SNX13: variants seen among roughly 807,000 people sequenced by gnomAD.
SNX13 encodes sorting nexin-13.
SNX13 carries 45 observed loss-of-function variants against 133.6 expected under a neutral mutation model. The ratio of observed to expected loss-of-function variants is 0.34; its 90% confidence interval spans 0.27 to 0.43. SNX13 has a LOEUF of 0.43. Ranked by LOEUF, SNX13 falls within the 20% of genes least tolerant of loss-of-function variation. The pLI, the probability that SNX13 is intolerant of heterozygous loss-of-function variation, is 1.00. For synonymous variants in SNX13, 414 were observed against 373.9 expected, an observed-to-expected ratio of 1.11 and a Z score of -1.24; for missense variants, 1,032 against 1,145.1, an observed-to-expected ratio of 0.90 and a Z score of 1.43.
In SNX13 at chr7:17,892,847, C is replaced by T. The variant is rs186758748; in HGVS notation, c.228+485G>A. Among the ~76,000 whole-genome samples, 420 of 152,146 alleles carry T rather than the reference C, an allele frequency of 2.8e-3. 11 individuals carry two copies. The highest frequency in any genetic ancestry group is 0.025 in the Admixed American group (384 of 15,292). On this transcript the variant is annotated intron_variant, in intron 3 of 25. Transcript: ENST00000428135. ...CCAATTTTATTTATAGAGTATGATA[C>T]TGAAAAAATAATAGCACCATTCAAG...
At chr7:17,927,072 T>C (rs546688851) in intron 1 of SNX13, among the ~76,000 whole-genome samples, 2 of 152,018 alleles carry the variant, frequency 1.3e-5, no homozygotes, top group Non-Finnish European at 2.9e-5. Flanking sequence ...AGATAAAAAC[T>C]TATGTCAAAT....
At chr7:17,887,933 T>C (rs1338893491) in intron 5 of SNX13, among the ~76,000 whole-genome samples, 1 of 151,696 alleles carries the variant, frequency 6.6e-6, no homozygotes, top group South Asian at 2.1e-4. Flanking sequence ...AGTTAAAGAA[T>C]AGAGGTGATA....
At chr7:17,928,379 A>G (rs1801007207) in intron 1 of SNX13, among the ~76,000 whole-genome samples, 1 of 152,166 alleles carries the variant, frequency 6.6e-6, no homozygotes, top group Non-Finnish European at 1.5e-5. Flanking sequence ...TTTGCTAACC[A>G]CTTTAACTAT....
intron 1 of SNX13, among the ~76,000 whole-genome samples, chr7:17,913,870 T>C (rs1444916421): frequency 6.7e-6 from 1 of 149,692 alleles, no homozygotes; most frequent in Non-Finnish European, 1.5e-5. Context: ...ATCCAAAGGA[T>C]CACACTAGCT....
intron 20 of SNX13, among the ~76,000 whole-genome samples, chr7:17,805,236 T>TGTGTGTGC (rs1209840441): frequency 8.8e-6 from 1 of 113,286 alleles, no homozygotes; most frequent in Admixed American, 9.0e-5. Flanking sequence ...TGTGTGTGTG[T>TGTGTGTGC]GTGTGTGTGT....
intron 19 of SNX13, among the ~76,000 whole-genome samples, 153 bp from the exon 20 acceptor site, chr7:17,815,097 A>T (rs901619984): frequency 6.6e-6 from 1 of 152,236 alleles, no homozygotes; most frequent in Admixed American, 6.5e-5. Flanking sequence ...CAGTTAGGAT[A>T]AAGTCACCAA....
Position 17,872,311 on chromosome 7 carries a change from T to C in SNX13, c.753+1217A>G, listed in dbSNP as rs528350277. 5.9e-5 allele frequency among the ~76,000 whole-genome samples: 9 copies of C among 151,782 alleles called. No individual in the cohort carries two copies. In the East Asian group the frequency reaches 1.2e-3, roughly 20 times the overall value. Reference sequence around the variant, plus strand: ...CAGTGACATGAAAGAAAGGAGAAAATAGAGTTTCAATAAGGAAAAGATGGC... The same window carrying C: ...CAGTGACATGAAAGAAAGGAGAAAACAGAGTTTCAATAAGGAAAAGATGGC... On this transcript the variant is annotated intron_variant, in intron 8 of 25. Coordinates refer to ENST00000428135, the MANE Select transcript of SNX13 (RefSeq NM_015132.5).
Position 17,897,225 on chromosome 7 carries a change from A to C in SNX13, c.125+109T>G, listed in dbSNP as rs140002986. On this transcript the variant is annotated intron_variant, in intron 2 of 25. Transcript: ENST00000428135. ...TTTTTAACTTTAGTAAAAGCAATTT[A>C]TTAAAAATGGCATTCACAAATAAAT... 1.8e-3 allele frequency: 919 copies of C among 514,658 alleles called. 8 individuals are homozygous for C. Among genetic ancestry groups the C allele is most frequent in the African/African-American group, 0.017 (847 of 50,564 alleles). The allele number at this position is 514,658 out of a possible 1,614,324, so 31.9% of individuals were successfully genotyped here.
At chr7:17,798,907 G>T (rs1300887855) in intron 23 of SNX13, 102 bp downstream of exon 23, 1 of 1,390,946 alleles carries the variant, frequency 7.2e-7, no homozygotes, top group Non-Finnish European at 9.8e-7. Flanking sequence ...AAAAGGCCCA[G>T]AGAAAAAAAT....
intron 1 of SNX13, among the ~76,000 whole-genome samples, chr7:17,916,284 TAGA>T (rs536167276): frequency 5.7e-4 from 86 of 152,034 alleles, no homozygotes; most frequent in African/African-American, 1.9e-3. Context: ...ACTCATAAAC[TAGA>T]AGAAGAAAGC....
chr7:17,832,556 T>A (rs182965332), intron 15 of SNX13: 1 of 887,944 alleles, frequency 1.1e-6, no homozygotes, highest in East Asian at 1.2e-4. Flanking sequence ...ATAGTCATTT[T>A]AGGATGGTTA....
chr7:17,886,523 G>A (rs745869669), intron 5 of SNX13, among the ~76,000 whole-genome samples: 4 of 151,874 alleles, frequency 2.6e-5, no homozygotes, highest in East Asian at 3.9e-4. Context: ...AGCCGAGATC[G>A]TGCCACTGCT....
intron 1 of SNX13, among the ~76,000 whole-genome samples, chr7:17,904,590 C>G (rs542300303): frequency 6.6e-6 from 1 of 152,298 alleles, no homozygotes; most frequent in Admixed American, 6.5e-5. Context: ...AACTTCGACT[C>G]TGAGATCAAT....
chr7:17,796,690 A>C (rs1484322662), intron 25 of SNX13, 137 bp downstream of exon 25: 4 of 651,408 alleles, frequency 6.1e-6, no homozygotes, highest in Non-Finnish European at 1.1e-5. Context: ...AGAAATGCCT[A>C]GTACAGTGCC....
chr7:17,909,849 T>C lies in SNX13; in HGVS notation c.13-12403A>G, dbSNP rs945058961. On this transcript the variant is annotated intron_variant, in intron 1 of 25. Transcript: ENST00000428135. Reference sequence around the variant, plus strand: ...ACCTATGTAACAAATCTGCACATCCTGCACATGTACCCCTGAACTTAAAAG... The same window carrying C: ...ACCTATGTAACAAATCTGCACATCCCGCACATGTACCCCTGAACTTAAAAG... Among the ~76,000 whole-genome samples the C allele has an allele frequency of 2.6e-5, 4 of 152,240 alleles. No homozygotes were observed. In the East Asian group the frequency reaches 7.7e-4, roughly 29 times the overall value.
At position 17,794,164 on chromosome 7, in the gene SNX13, A is replaced by G. The variant is rs1250022552; in HGVS notation, c.2755T>C (p.Leu919=). 1.2e-6 allele frequency: 2 copies of G among 1,611,528 alleles called. No individual in the cohort carries two copies. Among genetic ancestry groups the G allele is most frequent in the African/African-American group, 1.3e-5 (1 of 74,830 alleles). ...YVFLEGFLET[L]FPQYKFRELF... Reference sequence around the variant, plus strand: ...TCACGGAATTTATACTGTGGAAATAAGGTTTCTAAAAAGCCTTCCAAGAAG... The same window carrying G: ...TCACGGAATTTATACTGTGGAAATAGGGTTTCTAAAAAGCCTTCCAAGAAG... The change falls in exon 26 of 26, where the codon TTA becomes CTA. Residue 919 remains leucine (L), a synonymous_variant. Transcript: ENST00000428135.
intron 13 of SNX13, among the ~76,000 whole-genome samples, chr7:17,839,041 AAT>A (rs1352433965): frequency 6.7e-6 from 1 of 149,752 alleles, no homozygotes; most frequent in Non-Finnish European, 1.5e-5. Context: ...GAATTATTAC[AAT>A]ATTATTAGAT....
intron 9 of SNX13, among the ~76,000 whole-genome samples, chr7:17,853,958 G>GA (rs552421485): frequency 2.1e-5 from 3 of 143,812 alleles, no homozygotes; most frequent in Admixed American, 6.9e-5. Context: ...AATAAAAAAA[G>GA]AAAAAAAAAG....
At chr7:17,820,264 C>T (rs1240918327) in intron 18 of SNX13, among the ~76,000 whole-genome samples, 1 of 152,084 alleles carries the variant, frequency 6.6e-6, no homozygotes, top group Non-Finnish European at 1.5e-5. Context: ...AAATAGAACT[C>T]TTACCAACTC....
Sources: allele counts gnomAD v4.1 joint callset (sites outside exome capture counted in the v4.1 genomes callset), GRCh38; gene constraint gnomAD v4.1.1; transcripts MANE v1.5; gene names NCBI Gene and HGNC (gene_info 2026-07-23, HGNC 2026-07-21).